Variants in PRICKLE1 observed in about 807,000 individuals in gnomAD.
PRICKLE1 encodes the protein prickle-like protein 1.
A neutral mutation model predicts 70.2 loss-of-function variants in PRICKLE1; 14 were observed. That is an observed-to-expected ratio of 0.20 (90% CI 0.13 to 0.31). The LOEUF (loss-of-function observed/expected upper bound fraction) is 0.31. PRICKLE1 is among the 10% of genes least tolerant of loss of function. PRICKLE1 has a pLI of 1.00. For synonymous variants in PRICKLE1, 357 were observed against 379.9 expected (o/e 0.94, Z 0.70); for missense variants, 821 against 1,026.2 (o/e 0.80, Z 2.73).
At chr12:42,583,808 G>A (rs1940943065) in intron 1 of PRICKLE1, among the ~76,000 whole-genome samples, 1 of 152,186 alleles carries the variant, frequency 6.6e-6, no homozygotes, top group South Asian at 2.1e-4. Context: ...AGGATTGAAA[G>A]AGCCTATGTG....
chr12:42,524,919 C>G (rs190469434), intron 1 of PRICKLE1: 8 of 152,296 alleles, frequency 5.3e-5, no homozygotes, highest in African/African-American at 1.9e-4. Context: ...TCCTGGCACA[C>G]AACTCCTAAA....
chr12:42,564,849 T>A (rs1940595349), intron 1 of PRICKLE1, among the ~76,000 whole-genome samples: 1 of 152,136 alleles, frequency 6.6e-6, no homozygotes. Flanking sequence ...GATGTAGAGC[T>A]CAACACCACC....
chr12:42,464,679 T>G lies in PRICKLE1; in HGVS notation c.1355A>C (p.Lys452Thr). The G allele has an allele frequency of 6.2e-7, 1 of 1,614,130 alleles. No individual in the cohort carries two copies. Among genetic ancestry groups the G allele is most frequent in the Non-Finnish European group, 8.5e-7 (1 of 1,180,012 alleles). The change falls in exon 7 of 8, where the codon AAG becomes ACG. Residue 452 changes from lysine (K) to threonine (T), a missense_variant. Lys to Thr is a moderately conservative substitution (Grantham distance 78). Transcript: ENST00000345127. This position sits in a 1 kb window ranked among gnomAD's most constrained non-coding sequence, Gnocchi z 4.2. ...HWISDNMVKS[K>T]TELKQNNQSL... ...CTGGTTATTTTGCTTTAACTCGGTC[T>G]TACTTTTAACCATGTTATCAGATAT...
At chr12:42,587,987 G>A (rs1941010883) in intron 1 of PRICKLE1, among the ~76,000 whole-genome samples, 1 of 151,262 alleles carries the variant, frequency 6.6e-6, no homozygotes. Flanking sequence ...CAGACATAAT[G>A]TTGGGGACGG....
intron 1 of PRICKLE1, among the ~76,000 whole-genome samples, chr12:42,586,712 G>A (rs1358102951): frequency 6.6e-6 from 1 of 152,048 alleles, no homozygotes; most frequent in African/African-American, 2.4e-5. Flanking sequence ...AAAGATTCTT[G>A]TTCCATTTCA....
chr12:42,555,824 T>C (rs1306848997), intron 1 of PRICKLE1, among the ~76,000 whole-genome samples: 1 of 152,230 alleles, frequency 6.6e-6, no homozygotes, highest in East Asian at 1.9e-4. Flanking sequence ...TTTCTTTATA[T>C]ACCACTTGGT....
Position 42,543,367 on chromosome 12 carries a change from CT to C in PRICKLE1, c.-49+46097del, listed in dbSNP as rs35278944. On this transcript the variant is annotated intron_variant, in intron 1 of 7. Coordinates refer to ENST00000345127, the MANE Select transcript of PRICKLE1 (RefSeq NM_153026.3). ...AGCAGCCACAAATTCATGTATAACT[CT>C]TTTTTTTTTTTTTGAGATGGGGTCT... Among the ~76,000 whole-genome samples the C allele has an allele frequency of 3.9e-3, 556 of 143,212 alleles. 5 individuals are homozygous for C. The highest frequency in any genetic ancestry group is 0.017 in the South Asian group (77 of 4,428). 94.0% of individuals were successfully genotyped at this position (143,212 alleles called of 152,430 possible). A position where few individuals can be genotyped will look rare whatever the true frequency, so the allele number is the denominator to read the frequency against.
At chr12:42,586,930 C>T (rs1244114537) in intron 1 of PRICKLE1, among the ~76,000 whole-genome samples, 2 of 152,210 alleles carry the variant, frequency 1.3e-5, no homozygotes, top group Non-Finnish European at 2.9e-5. Flanking sequence ...AACAACTAGA[C>T]TTACCTACAT....
intron 1 of PRICKLE1, among the ~76,000 whole-genome samples, chr12:42,587,920 T>C (rs1941009038): frequency 6.6e-6 from 1 of 152,262 alleles, no homozygotes; most frequent in African/African-American, 2.4e-5. Flanking sequence ...AAAATGTATC[T>C]ATCTTGCTGT....
intron 1 of PRICKLE1, among the ~76,000 whole-genome samples, chr12:42,543,184 C>T (rs1286617916): frequency 6.6e-6 from 1 of 152,186 alleles, no homozygotes; most frequent in Non-Finnish European, 1.5e-5. Flanking sequence ...TGCTTTGTTA[C>T]AGCAGTTCAA....
At chr12:42,484,220 A>G (rs1347698844) in intron 1 of PRICKLE1, 3 of 151,094 alleles carry the variant, frequency 2.0e-5, no homozygotes, top group Non-Finnish European at 4.4e-5. Context: ...CGCGCGCACA[A>G]TTCCTCGAAA....
intron 1 of PRICKLE1, among the ~76,000 whole-genome samples, chr12:42,542,847 G>C (rs1309439043): frequency 6.6e-6 from 1 of 152,122 alleles, no homozygotes; most frequent in Non-Finnish European, 1.5e-5. Flanking sequence ...CCTTGCTATG[G>C]TCTGAATGTT....
intron 1 of PRICKLE1, among the ~76,000 whole-genome samples, chr12:42,475,514 G>C (rs895851836): frequency 3.3e-5 from 5 of 152,128 alleles, no homozygotes; most frequent in Non-Finnish European, 5.9e-5. Flanking sequence ...GCCTCCAGGG[G>C]GGGAGTGCTG....
intron 1 of PRICKLE1, among the ~76,000 whole-genome samples, chr12:42,505,247 T>A (rs1939389111): frequency 6.6e-6 from 1 of 152,212 alleles, no homozygotes; most frequent in African/African-American, 2.4e-5. Flanking sequence ...TCTGTGTGGG[T>A]AGATGGATCT....
intron 1 of PRICKLE1, among the ~76,000 whole-genome samples, chr12:42,539,324 C>T (rs562528084): frequency 2.6e-5 from 4 of 151,860 alleles, no homozygotes; most frequent in South Asian, 4.2e-4. Flanking sequence ...AAAAATTAGC[C>T]GGGCGTGGGG....
At chr12:42,470,656 A>C (rs1423659490) in intron 2 of PRICKLE1, among the ~76,000 whole-genome samples, 2 of 152,228 alleles carry the variant, frequency 1.3e-5, no homozygotes, top group Admixed American at 1.3e-4. Flanking sequence ...CTGTAATCCC[A>C]GCACTCTGGG....
At chr12:42,478,726 CT>C (rs11300615) in intron 1 of PRICKLE1, among the ~76,000 whole-genome samples, 29,518 of 136,374 alleles carry the variant, frequency 0.22, 2,944 homozygotes, top group Admixed American at 0.3. Context: ...CTGGGATACT[CT>C]TTTTTTTTTT....
At chr12:42,496,160 T>A (rs1425532232) in intron 1 of PRICKLE1, among the ~76,000 whole-genome samples, 2 of 152,234 alleles carry the variant, frequency 1.3e-5, no homozygotes, top group Admixed American at 6.5e-5. Context: ...GCAGAATGGA[T>A]GTTGTGTTTG....
intron 1 of PRICKLE1, chr12:42,483,372 C>G (rs1938875100): frequency 6.7e-6 from 1 of 148,948 alleles, no homozygotes; most frequent in Admixed American, 6.6e-5. Flanking sequence ...ACAGCGGCTC[C>G]CACCTGCGGC....
Sources: gnomAD v4.1 joint callset for allele counts (sites outside exome capture counted in the v4.1 genomes callset) on GRCh38, gnomAD v4.1.1 for gene constraint, Gnocchi (gnomAD v3.1) non-coding constraint, MANE v1.5 for transcripts, NCBI Gene and HGNC (gene_info 2026-07-23, HGNC 2026-07-21) for gene names.